STK39: variants seen among roughly 807,000 people sequenced by gnomAD.
STK39 encodes serine/threonine kinase 39.
A neutral mutation model predicts 77.8 loss-of-function variants in STK39; 20 were observed. That is an observed-to-expected ratio of 0.26 (90% confidence interval 0.18 to 0.37). The LOEUF (loss-of-function observed/expected upper bound fraction) is 0.37. STK39 is among the 10% of genes least tolerant of loss of function. The pLI is 1.00. For synonymous variants in STK39, 246 were observed against 234.1 expected, an observed-to-expected ratio of 1.05 and a Z score of -0.47; for missense variants, 479 against 656.5, an observed-to-expected ratio of 0.73 and a Z score of 2.95.
intron 16 of STK39, among the ~76,000 whole-genome samples, chr2:168,001,919 T>A (rs866273146): frequency 1.3e-5 from 2 of 152,228 alleles, no homozygotes; most frequent in South Asian, 2.1e-4. Context: ...TAAGCCTACT[T>A]TACTTCCACT....
intron 10 of STK39, among the ~76,000 whole-genome samples, chr2:168,127,494 A>G (rs1249076837): frequency 6.6e-6 from 1 of 152,134 alleles, no homozygotes; most frequent in African/African-American, 2.4e-5. Flanking sequence ...GCCTGAACAG[A>G]TTCTTCATTT....
At chr2:168,052,106 G>A (rs1209186084) in intron 14 of STK39, among the ~76,000 whole-genome samples, 1 of 152,036 alleles carries the variant, frequency 6.6e-6, no homozygotes, top group Non-Finnish European at 1.5e-5. Context: ...GAGACCTAGA[G>A]GTGGGAACTG....
chr2:168,071,857 G>T (rs1186608247), intron 12 of STK39, among the ~76,000 whole-genome samples: 2 of 143,826 alleles, frequency 1.4e-5, no homozygotes, highest in African/African-American at 5.2e-5. Context: ...GCAACAGAGT[G>T]AGACTCCATC....
intron 10 of STK39, among the ~76,000 whole-genome samples, chr2:168,112,553 G>T (rs1288797494): frequency 6.6e-6 from 1 of 151,900 alleles, no homozygotes; most frequent in Non-Finnish European, 1.5e-5. Context: ...GTTTCCTGAG[G>T]CCTCCCCAGC....
chr2:168,110,611 C>T (rs1372105713), intron 10 of STK39, among the ~76,000 whole-genome samples: 1 of 152,060 alleles, frequency 6.6e-6, no homozygotes, highest in South Asian at 2.1e-4. Context: ...CTTCTTTTTT[C>T]CACACAGATC....
At position 168,015,536 on chromosome 2, in the gene STK39, C is replaced by T. The variant is rs147843746; in HGVS notation, c.1429+1507G>A. 7.6e-3 allele frequency among the ~76,000 whole-genome samples: 1,164 copies of T among 152,250 alleles called. 8 individuals carry two copies. Among genetic ancestry groups the T allele is most frequent in the African/African-American group, 0.026 (1,068 of 41,542 alleles). On this transcript the variant is annotated intron_variant, in intron 15 of 17. Transcript: ENST00000355999. The stretch of plus-strand genomic sequence containing the variant: ...GAAGCAGGGACTGTTAATCTAAATG[C>T]GGCAAAAGCGGCTGCCAAAGCCAGT...
chr2:167,983,464 A>T (rs945612242), intron 16 of STK39, among the ~76,000 whole-genome samples: 1 of 135,658 alleles, frequency 7.4e-6, no homozygotes, highest in Non-Finnish European at 1.5e-5. Context: ...AAAAAAAAAA[A>T]AAAAAAGAAA....
At chr2:168,075,066 T>C in intron 11 of STK39, 43 bp downstream of exon 11, 3 of 1,613,966 alleles carry the variant, frequency 1.9e-6, no homozygotes, top group Non-Finnish European at 2.5e-6. Context: ...ATCACAAAAA[T>C]AAAATTTACA....
chr2:168,040,757 C>T (rs6741749), intron 14 of STK39, among the ~76,000 whole-genome samples: 43,794 of 152,106 alleles, frequency 0.29, 7,823 homozygotes, highest in African/African-American at 0.51. Context: ...AACCCCAGGA[C>T]TATCAAGGAC....
intron 7 of STK39, among the ~76,000 whole-genome samples, chr2:168,139,706 T>C (rs1305912332): frequency 6.6e-6 from 1 of 152,142 alleles, no homozygotes; most frequent in Non-Finnish European, 1.5e-5. Context: ...CAAAATCCAG[T>C]TGGGTAAATA....
intron 1 of STK39, among the ~76,000 whole-genome samples, chr2:168,221,999 C>T (rs949864982): frequency 6.6e-6 from 1 of 152,182 alleles, no homozygotes; most frequent in African/African-American, 2.4e-5. Context: ...GAAGGAAGAA[C>T]TTTCCTAACC....
chr2:168,125,718 CA>C (rs1005602842), intron 10 of STK39, among the ~76,000 whole-genome samples: 8 of 151,944 alleles, frequency 5.3e-5, no homozygotes, highest in Non-Finnish European at 8.8e-5. Context: ...ACCACACACC[CA>C]AAAAAAATGT....
At chr2:167,984,760 A>G (rs1038600486) in intron 16 of STK39, among the ~76,000 whole-genome samples, 22 of 152,342 alleles carry the variant, frequency 1.4e-4, no homozygotes, top group Admixed American at 2.6e-4. Flanking sequence ...GAACATATTA[A>G]TAAGTCAAAT....
At position 168,056,194 on chromosome 2, in the gene STK39, C is replaced by T. The variant is rs184671206; in HGVS notation, c.1376+7306G>A. 2.7e-3 allele frequency among the ~76,000 whole-genome samples: 410 copies of T among 152,084 alleles called. 3 individuals are homozygous for T. The highest frequency in any genetic ancestry group is 9.4e-3 in the African/African-American group (389 of 41,480). On this transcript the variant is annotated intron_variant, in intron 14 of 17. Transcript: ENST00000355999. ...ACCCTTTTGCCTCCTCAGACTTTTG[C>T]CTATGATCTCCAGGAATAAATAAAT...
intron 16 of STK39, among the ~76,000 whole-genome samples, chr2:167,981,697 G>C (rs1253244798): frequency 2.6e-5 from 4 of 152,138 alleles, no homozygotes; most frequent in African/African-American, 7.2e-5. Context: ...AGCTGGGATG[G>C]GTTTGGCGGA....
chr2:167,985,483 T>A (rs1295115105), intron 16 of STK39, among the ~76,000 whole-genome samples: 1 of 152,160 alleles, frequency 6.6e-6, no homozygotes, highest in Non-Finnish European at 1.5e-5. Flanking sequence ...TATCTGCACA[T>A]CATCTGAGAT....
intron 2 of STK39, among the ~76,000 whole-genome samples, chr2:168,177,950 C>A (rs1688993972): frequency 6.6e-6 from 1 of 152,114 alleles, no homozygotes; most frequent in African/African-American, 2.4e-5. Context: ...TCCCTTAGTT[C>A]AAAAATCTCA....
chr2:168,010,711 G>GTT (rs141331472), intron 16 of STK39, among the ~76,000 whole-genome samples: 6 of 151,984 alleles, frequency 3.9e-5, no homozygotes, highest in African/African-American at 1.5e-4. Flanking sequence ...GAAAAAATCT[G>GTT]TTTTTTTCTA....
intron 10 of STK39, among the ~76,000 whole-genome samples, chr2:168,103,326 TCTCG>T (rs1686885246): frequency 6.6e-6 from 1 of 152,198 alleles, no homozygotes. Context: ...TTGTAAGCCA[TCTCG>T]AATCTTTTCT....
Sources: allele counts gnomAD v4.1 joint callset (sites outside exome capture counted in the v4.1 genomes callset), GRCh38; gene constraint gnomAD v4.1.1; transcripts MANE v1.5; gene names NCBI Gene and HGNC (gene_info 2026-07-23, HGNC 2026-07-21).